The following PDE4C variants were observed in gnomAD, a reference collection of about 807,000 sequenced individuals.
PDE4C encodes phosphodiesterase 4C.
A neutral mutation model predicts 63.9 loss-of-function variants in PDE4C; 50 were observed. That is an observed-to-expected ratio of 0.78 (90% CI 0.62 to 0.99). PDE4C has a LOEUF of 0.99. Ranked by LOEUF, PDE4C falls within the 50% of genes least tolerant of loss-of-function variation. The pLI is 0.00. For synonymous variants in PDE4C, 377 were observed against 385.1 expected (o/e 0.98, Z 0.25); for missense variants, 777 against 899.1 (o/e 0.86, Z 1.74).
chr19:18,221,058 C>CCCCCCCCCCCCCCCCCCCCT, intron 4 of PDE4C, 47 bp downstream of exon 4: 1 of 1,221,610 alleles, frequency 8.2e-7, no homozygotes, highest in Non-Finnish European at 1.2e-6. Flanking sequence ...TTCCGCCCAC[C>CCCCCCCCCCCCCCCCCCCCT]TTGTCTCTGC....
chr19:18,220,447 T>G lies in PDE4C; in HGVS notation c.568A>C (p.Thr190Pro). The G allele has an allele frequency of 6.2e-7, 1 of 1,613,950 alleles. No homozygotes were observed. Among genetic ancestry groups the G allele is most frequent in the Non-Finnish European group, 8.5e-7 (1 of 1,179,972 alleles). The change falls in exon 6 of 15, where the codon ACG becomes CCG. Residue 190 changes from threonine to proline, a missense_variant. Around this residue, in one of 3 missense-constraint regions of PDE4C, gnomAD observed 28 missense variants for 53.5 expected, o/e 0.52. Coordinates refer to ENST00000262805, the Ensembl canonical transcript of PDE4C. The surrounding 1 kb of genome is among the most constrained non-coding windows in gnomAD (Gnocchi z 5.1). The stretch of plus-strand genomic sequence containing the variant: ...CCCACCGAGTGCCGGGTCTGCAGCG[T>G]CTCCAACTGATCCAGGCACCAGTCC...
chr19:18,218,634 C>T, intron 9 of PDE4C, 136 bp from the exon 10 acceptor site: 1 of 942,002 alleles, frequency 1.1e-6, no homozygotes, highest in Admixed American at 2.2e-5. Flanking sequence ...CTCTCCTGAA[C>T]TCCTCCACTC....
At chr19:18,208,641 C>T (rs1216357005), downstream of PDE4C, 1 of 152,154 alleles carries the variant, frequency 6.6e-6, no homozygotes, top group Non-Finnish European at 1.5e-5. Context: ...TCAATTTGGT[C>T]AATCGAATGT....
chr19:18,218,227 T>C (rs1483985314), exon 11 of PDE4C: 3 of 1,614,056 alleles, frequency 1.9e-6, no homozygotes, highest in African/African-American at 2.7e-5. Context: ...GCAGCCAGGA[T>C]TTCCAAGTCT....
chr19:18,253,339 C>T, the PDE4C span, among the ~76,000 whole-genome samples: 1 of 152,002 alleles, frequency 6.6e-6, no homozygotes, highest in Non-Finnish European at 1.5e-5. Context: ...GCCATGATTG[C>T]GCCACTGCAC....
upstream of PDE4C, among the ~76,000 whole-genome samples, chr19:18,248,604 G>C (rs74739592): frequency 6.6e-6 from 1 of 151,878 alleles, no homozygotes; most frequent in South Asian, 2.1e-4. Flanking sequence ...GGAAGGGGGG[G>C]ATTTTATCAA....
At chr19:18,209,747 GC>G (rs1967849561), downstream of PDE4C, 1 of 149,008 alleles carries the variant, frequency 6.7e-6, no homozygotes, top group African/African-American at 2.5e-5. Flanking sequence ...AGGCTGGAGT[GC>G]AGTGGCATGA....
intron 12 of PDE4C, among the ~76,000 whole-genome samples, chr19:18,214,295 A>T (rs574137480): frequency 1.3e-5 from 2 of 150,936 alleles, no homozygotes; most frequent in African/African-American, 2.4e-5. Flanking sequence ...GCCTCTGTTG[A>T]CCCTTCTGGC....
upstream of PDE4C, among the ~76,000 whole-genome samples, chr19:18,231,285 GCACA>G (rs879687831): frequency 6.6e-6 from 1 of 152,214 alleles, no homozygotes; most frequent in African/African-American, 2.4e-5. Flanking sequence ...ACGTGTGTGT[GCACA>G]CACACGTGCA....
At chr19:18,239,050 G>A (rs987962927) in intron 1 of PDE4C, among the ~76,000 whole-genome samples, 11 of 151,562 alleles carry the variant, frequency 7.3e-5, no homozygotes, top group Admixed American at 3.3e-4. Context: ...GAATAATAAC[G>A]ATAGTACTAA....
chr19:18,210,090 A>T (rs1187084357), downstream of PDE4C: 7 of 152,442 alleles, frequency 4.6e-5, no homozygotes, highest in Non-Finnish European at 1.0e-4. Flanking sequence ...ATGCAGTCAT[A>T]GCTCTCTTCA....
intron 1 of PDE4C, among the ~76,000 whole-genome samples, chr19:18,231,824 A>G (rs1267350001): frequency 1.3e-5 from 2 of 152,020 alleles, no homozygotes; most frequent in East Asian, 1.9e-4. Context: ...AGGATTCTAC[A>G]TTATCTTTCT....
At chr19:18,251,983 TC>T, upstream of PDE4C, 2 of 397,858 alleles carry the variant, frequency 5.0e-6, no homozygotes, top group Non-Finnish European at 8.9e-6. Context: ...GGGCTGTACC[TC>T]CCCCTGGTGG....
intron 1 of PDE4C, among the ~76,000 whole-genome samples, chr19:18,247,900 C>T (rs1379072274): frequency 1.3e-5 from 2 of 152,148 alleles, no homozygotes; most frequent in African/African-American, 2.4e-5. Flanking sequence ...TGTGAGACAC[C>T]CGCCCGGACC....
At chr19:18,228,030 G>A (rs927962485), upstream of PDE4C, among the ~76,000 whole-genome samples, 3 of 152,084 alleles carry the variant, frequency 2.0e-5, no homozygotes, top group East Asian at 1.9e-4. Flanking sequence ...GACACCTGGC[G>A]GGAACCAGAC....
chr19:18,246,516 G>A (rs1969137366), intron 1 of PDE4C, among the ~76,000 whole-genome samples: 1 of 152,036 alleles, frequency 6.6e-6, no homozygotes, highest in South Asian at 2.1e-4. Context: ...GCAGATGGCT[G>A]GAGTGTGGAT....
In PDE4C at chr19:18,216,794, G is replaced by A; in HGVS notation, c.1336C>T (p.Gln446Ter). 1 of 1,614,048 alleles carries A rather than the reference G, an allele frequency of 6.2e-7. No homozygotes were observed. The highest frequency in any genetic ancestry group is 1.1e-5 in the South Asian group (1 of 91,076). Reference sequence around the variant, plus strand: ...AGTCGCTGCTTGGCGCTGAGGTTCTGGAAGATATCGCAGTTCTCTGCCTGC... The same window carrying A: ...AGTCGCTGCTTGGCGCTGAGGTTCTAGAAGATATCGCAGTTCTCTGCCTGC... The change falls in exon 12 of 15, where the codon CAG (glutamine) becomes TAG (stop). Residue 446 changes from glutamine (Q) to a stop codon, truncating the protein, a stop_gained. Coordinates refer to ENST00000262805, the Ensembl canonical transcript of PDE4C. LOFTEE classifies it high-confidence loss of function.
At chr19:18,250,964 TG>T (rs1969222693), upstream of PDE4C, among the ~76,000 whole-genome samples, 1 of 152,012 alleles carries the variant, frequency 6.6e-6, no homozygotes, top group Admixed American at 6.6e-5. Flanking sequence ...TTAGTAGAGA[TG>T]GGGTTTCACC....
At chr19:18,227,047 G>A (rs1042328669), upstream of PDE4C, among the ~76,000 whole-genome samples, 2 of 150,796 alleles carry the variant, frequency 1.3e-5, no homozygotes, top group African/African-American at 2.5e-5. Flanking sequence ...AGAAAGCAAG[G>A]TGCCCAGAGA....
Sources: allele counts gnomAD v4.1 joint callset (sites outside exome capture counted in the v4.1 genomes callset), GRCh38; gene constraint gnomAD v4.1.1; regional missense constraint gnomAD v4.1.1; non-coding constraint Gnocchi (gnomAD v3.1); transcripts MANE v1.5; gene names NCBI Gene and HGNC (gene_info 2026-07-23, HGNC 2026-07-21).